Variants in ROR2 observed in about 807,000 individuals in gnomAD.
ROR2 encodes ROR family WNT receptor 2.
Under a neutral mutation model 74.9 loss-of-function variants are expected in ROR2, and 33 were observed. That is an observed-to-expected ratio of 0.44 (90% CI 0.33 to 0.59). ROR2 has a LOEUF of 0.59. Among genes scored for constraint, ROR2 ranks in the 20% least tolerant of loss-of-function variants. ROR2 has a pLI of 0.02. For synonymous variants in ROR2, 586 were observed against 558.7 expected, an observed-to-expected ratio of 1.05 and a Z score of -0.69; for missense variants, 1,216 against 1,313.8, an observed-to-expected ratio of 0.93 and a Z score of 1.15.
chr9:91,918,523 T>C (rs1831192388), intron 1 of ROR2, among the ~76,000 whole-genome samples: 1 of 152,220 alleles, frequency 6.6e-6, no homozygotes, highest in Admixed American at 6.5e-5. Context: ...GGTTTGAACA[T>C]AGGAAACTGC....
chr9:91,754,015 A>G (rs151141214), intron 4 of ROR2, among the ~76,000 whole-genome samples: 224 of 150,376 alleles, frequency 1.5e-3, no homozygotes, highest in Middle Eastern at 3.4e-3. Context: ...GTATGTATGT[A>G]CTGAGTGCCT....
chr9:91,791,731 T>A (rs1444465522), intron 1 of ROR2, among the ~76,000 whole-genome samples: 1 of 151,816 alleles, frequency 6.6e-6, no homozygotes, highest in Non-Finnish European at 1.5e-5. Context: ...ATAAACCAAC[T>A]AGATACAACA....
chr9:91,907,965 C>G (rs938443193), intron 1 of ROR2, among the ~76,000 whole-genome samples: 2 of 152,198 alleles, frequency 1.3e-5, no homozygotes, highest in African/African-American at 2.4e-5. Context: ...GGAAAGGTGA[C>G]TATCTGGTCT....
intron 2 of ROR2, among the ~76,000 whole-genome samples, chr9:91,770,675 C>G (rs1269605729): frequency 1.3e-5 from 2 of 152,164 alleles, no homozygotes; most frequent in Non-Finnish European, 2.9e-5. Context: ...AGGAGACACA[C>G]CTAGCAGAGT....
chr9:91,864,451 A>T (rs1178130670), intron 1 of ROR2, among the ~76,000 whole-genome samples: 1 of 152,210 alleles, frequency 6.6e-6, no homozygotes, highest in African/African-American at 2.4e-5. Context: ...GTCAACACAC[A>T]TGGAGAAGGA....
intron 2 of ROR2, among the ~76,000 whole-genome samples, chr9:91,770,945 G>C (rs1366263909): frequency 6.6e-6 from 1 of 152,144 alleles, no homozygotes; most frequent in African/African-American, 2.4e-5. Flanking sequence ...TTGGTAAACA[G>C]AGACCAATAG....
chr9:91,908,248 C>T (rs7849063), intron 1 of ROR2, among the ~76,000 whole-genome samples: 7 of 152,292 alleles, frequency 4.6e-5, no homozygotes, highest in Non-Finnish European at 7.4e-5. Flanking sequence ...CAATGGGACA[C>T]GTTTGTATTT....
rs12683181 is a variant in ROR2 at position 91,756,046 on chromosome 9, C to T, written c.494+25G>A. On this transcript the variant is annotated intron_variant, in intron 4 of 8. Coordinates refer to ENST00000375708, the MANE Select transcript of ROR2 (RefSeq NM_004560.4). Reference sequence around the variant, plus strand: ...CAAAAACCCTCAGAGCAGCAGAACACGGCTTGGGGAAAACAGATACTTACT... The same window carrying T: ...CAAAAACCCTCAGAGCAGCAGAACATGGCTTGGGGAAAACAGATACTTACT... 0.71 allele frequency: 1,148,947 copies of T among 1,609,944 alleles called. 413,421 individuals are homozygous for T. Among genetic ancestry groups the T allele is most frequent in the Non-Finnish European group, 0.74 (868,754 of 1,176,364 alleles).
chr9:91,756,972 G>C (rs1335005073), intron 3 of ROR2, among the ~76,000 whole-genome samples: 2 of 151,938 alleles, frequency 1.3e-5, no homozygotes, highest in East Asian at 3.9e-4. Context: ...CTACTACCAT[G>C]TTGGCTAGGC....
intron 1 of ROR2, among the ~76,000 whole-genome samples, chr9:91,920,426 T>C (rs1028612174): frequency 6.6e-6 from 1 of 152,146 alleles, no homozygotes; most frequent in African/African-American, 2.4e-5. Flanking sequence ...AGATCACTTG[T>C]GCCCAAGAGT....
At chr9:91,949,003 G>A (rs1413345547) in intron 1 of ROR2, 2 of 903,978 alleles carry the variant, frequency 2.2e-6, no homozygotes, top group Non-Finnish European at 2.6e-6. Context: ...TCTGCGCCCC[G>A]GATCCAAGCA....
At chr9:91,881,334 A>G (rs16907940) in intron 1 of ROR2, among the ~76,000 whole-genome samples, 17,831 of 152,258 alleles carry the variant, frequency 0.12, 2,006 homozygotes, top group African/African-American at 0.3. Context: ...AATGTGTTAA[A>G]ATGCTAGTAC....
At chr9:91,860,998 T>G (rs975629244) in intron 1 of ROR2, among the ~76,000 whole-genome samples, 1 of 152,182 alleles carries the variant, frequency 6.6e-6, no homozygotes, top group African/African-American at 2.4e-5. Flanking sequence ...GTTAACTCCA[T>G]TTACAATAGC....
chr9:91,863,043 C>G lies in ROR2; in HGVS notation c.97+86824G>C, dbSNP rs142709926. Among the ~76,000 whole-genome samples the G allele has an allele frequency of 2.0e-5, 3 of 152,284 alleles. No individual in the cohort carries two copies. The East Asian group carries it at 5.8e-4, about 29-fold the overall frequency. On this transcript the variant is annotated intron_variant, in intron 1 of 8. Coordinates refer to ENST00000375708, the MANE Select transcript of ROR2 (RefSeq NM_004560.4). ...ATACCATACTTCACACCTACTAGTT[C>G]GCTTATAATAAAAAAGACACACAAT...
chr9:91,913,212 C>A (rs1243990645), intron 1 of ROR2, among the ~76,000 whole-genome samples: 4 of 152,074 alleles, frequency 2.6e-5, no homozygotes, highest in Non-Finnish European at 4.4e-5. Flanking sequence ...AAAGAAAAAT[C>A]GACTATAGTT....
chr9:91,737,801 CT>C (rs1825088101), intron 4 of ROR2, among the ~76,000 whole-genome samples: 2 of 151,510 alleles, frequency 1.3e-5, no homozygotes, highest in South Asian at 4.2e-4. Context: ...TTATTTAGTG[CT>C]AAAAAAAAAT....
At chr9:91,766,180 T>TGGTG (rs1826052512) in intron 2 of ROR2, among the ~76,000 whole-genome samples, 1 of 152,224 alleles carries the variant, frequency 6.6e-6, no homozygotes, top group African/African-American at 2.4e-5. Flanking sequence ...CACGGCCATG[T>TGGTG]GGTGACACCA....
At chr9:91,949,018 A>T in intron 1 of ROR2, 1 of 823,252 alleles carries the variant, frequency 1.2e-6, no homozygotes, top group Non-Finnish European at 1.5e-6. Flanking sequence ...CAAGCAGCCG[A>T]AACCGCGCAG....
At position 91,869,988 on chromosome 9, in the gene ROR2, T is replaced by A. The variant is rs75045620; in HGVS notation, c.97+79879A>T. On this transcript the variant is annotated intron_variant, in intron 1 of 8. Transcript: ENST00000375708. The stretch of plus-strand genomic sequence containing the variant: ...CGTGGGCCAAAGGCAGCCCACCATC[T>A]GTTCCGAGAGCCAAGAATAGTTTTT... 9.2e-3 allele frequency among the ~76,000 whole-genome samples: 1,408 copies of A among 152,332 alleles called. 25 individuals carry two copies. Among genetic ancestry groups the A allele is most frequent in the African/African-American group, 0.031 (1,285 of 41,564 alleles).
Sources: gnomAD v4.1 joint callset for allele counts (sites outside exome capture counted in the v4.1 genomes callset) on GRCh38, gnomAD v4.1.1 for gene constraint, MANE v1.5 for transcripts, NCBI Gene and HGNC (gene_info 2026-07-23, HGNC 2026-07-21) for gene names.